OTULINL: variants seen among roughly 807,000 people sequenced by gnomAD.
The protein encoded by OTULINL is inactive ubiquitin thioesterase OTULINL.
A neutral mutation model predicts 43.9 loss-of-function variants in OTULINL; 42 were observed. That is an observed-to-expected ratio of 0.96 (90% CI 0.75 to 1.24). The LOEUF (loss-of-function observed/expected upper bound fraction) is 1.24, where lower values mean the gene tolerates loss of function less well. Among genes scored for constraint, OTULINL ranks in the 50% most tolerant of loss-of-function variants. The pLI, the probability that OTULINL is intolerant of heterozygous loss-of-function variation, is 0.00. For missense variants in OTULINL, 411 were observed against 426.4 expected (o/e 0.96, Z 0.32); for synonymous variants, 172 against 153.6 (o/e 1.12, Z -0.88).
intron 1 of OTULINL, among the ~76,000 whole-genome samples, chr5:14,583,665 T>G (rs1759056811): frequency 6.6e-6 from 1 of 152,234 alleles, no homozygotes; most frequent in African/African-American, 2.4e-5. Context: ...AGGAAGAATG[T>G]GATTCAAGGA....
chr5:14,607,819 C>T (rs1444637573), intron 6 of OTULINL, among the ~76,000 whole-genome samples: 2 of 152,196 alleles, frequency 1.3e-5, no homozygotes, highest in African/African-American at 4.8e-5. Context: ...GGTAATGGCA[C>T]AGATGTAATA....
chr5:14,596,711 G>A (rs1759294121), intron 1 of OTULINL, among the ~76,000 whole-genome samples: 1 of 152,186 alleles, frequency 6.6e-6, no homozygotes, highest in African/African-American at 2.4e-5. Flanking sequence ...GAATACCACA[G>A]ACTGGGTGAT....
Position 14,595,685 on chromosome 5 carries a change from A to G in OTULINL, c.65-5280A>G, listed in dbSNP as rs1368569785. ...TTTTTTTTGTGTAGTTCTGACCAACAGTCTCATCTGCCATATATCGTTTGA... is the reference window on the plus strand; with the variant it reads ...TTTTTTTTGTGTAGTTCTGACCAACGGTCTCATCTGCCATATATCGTTTGA... On this transcript the variant is annotated intron_variant, in intron 1 of 7. Transcript: ENST00000274217. Among the ~76,000 whole-genome samples, 3 of 111,120 alleles carry G rather than the reference A, an allele frequency of 2.7e-5. No individual in the cohort carries two copies. In the Admixed American group the frequency reaches 3.8e-4, roughly 14 times the overall value. The allele number at this position is 111,120 out of a possible 152,430, so 72.9% of individuals were successfully genotyped here.
At position 14,614,873 on chromosome 5, in the gene OTULINL, A is replaced by C. The variant is rs766542536; in HGVS notation, c.*4559A>C. 5.0e-6 allele frequency: 2 copies of C among 397,484 alleles called. No homozygotes were observed. Among genetic ancestry groups the C allele is most frequent in the Admixed American group, 4.4e-5 (1 of 22,718 alleles). The allele number at this position is 397,484 out of a possible 1,614,324, so 24.6% of individuals were successfully genotyped here. On this transcript the variant is annotated 3_prime_UTR_variant, in exon 8 of 8. Coordinates refer to ENST00000274217, the MANE Select transcript of OTULINL (RefSeq NM_019018.3). ...AATTGACGTATTGGTCCTTATAGTC[A>C]GTACCATCAGGTCTTAGATTGTTAA...
At position 14,602,243 on chromosome 5, in the gene OTULINL, A is replaced by G; in HGVS notation, c.409A>G (p.Asn137Asp). The G allele has an allele frequency of 6.2e-7, 1 of 1,613,532 alleles. No individual in the cohort carries two copies. Among genetic ancestry groups the G allele is most frequent in the East Asian group, 2.2e-5 (1 of 44,872 alleles). Reference sequence around the variant, plus strand: ...ATGTGTTCGACAAGTAAGGAGAGATAACTATGATGCTCTCAGATCAGTGTT... The same window carrying G: ...ATGTGTTCGACAAGTAAGGAGAGATGACTATGATGCTCTCAGATCAGTGTT... ...IKCVRQVRRD[N>D]YDALRSVLFQ... is the part of the protein sequence containing the mutation. Residue 137 changes from asparagine (N) to aspartate (D), a missense_variant, in exon 5 of 8, where the codon AAC becomes GAC. Transcript: ENST00000274217.
At chr5:14,582,389 A>G (rs1400941603) in intron 1 of OTULINL, among the ~76,000 whole-genome samples, 4 of 151,358 alleles carry the variant, frequency 2.6e-5, no homozygotes, top group Non-Finnish European at 4.4e-5. Flanking sequence ...GGGGAGCTCG[A>G]CTCGCTGACG....
Position 14,608,466 on chromosome 5 carries a change from A to G in OTULINL, c.628-282A>G, listed in dbSNP as rs924139377. 3.9e-5 allele frequency among the ~76,000 whole-genome samples: 6 copies of G among 152,150 alleles called. 1 individual carries two copies. The highest frequency in any genetic ancestry group is 1.3e-4 in the Admixed American group (2 of 15,276). ...TAGCAGGTCCATTCATGAGGGCTCC[A>G]CCGTCAGGACCTAATCACGTCCCAA... On this transcript the variant is annotated intron_variant, in intron 6 of 7. Coordinates refer to ENST00000274217, the MANE Select transcript of OTULINL (RefSeq NM_019018.3).
chr5:14,601,385 C>G lies in OTULINL; in HGVS notation c.291C>G (p.Leu97=), dbSNP rs765175782. Residue 97 remains leucine, a synonymous_variant, in exon 4 of 8, where the codon CTC becomes CTG. Transcript: ENST00000274217. ...NLSVEAEVDL[L]SYCAREWKGE... is the part of the protein sequence containing the mutation. ...GTGTGGAGGCAGAGGTTGATTTACT[C>G]AGTTATTGTGCAAGAGAATGGAAAG... The G allele has an allele frequency of 1.4e-5, 22 of 1,613,968 alleles. No homozygotes were observed. Among genetic ancestry groups the G allele is most frequent in the Non-Finnish European group, 1.7e-5 (20 of 1,180,008 alleles).
At chr5:14,599,562 A>G (rs532807078) in intron 1 of OTULINL, among the ~76,000 whole-genome samples, 1 of 152,168 alleles carries the variant, frequency 6.6e-6, no homozygotes. Context: ...TGTAAATATC[A>G]CATCAAATAT....
At chr5:14,588,677 C>T (rs184305835) in intron 1 of OTULINL, among the ~76,000 whole-genome samples, 5 of 152,270 alleles carry the variant, frequency 3.3e-5, no homozygotes, top group Admixed American at 3.3e-4. Context: ...GTGTCAGGGC[C>T]CCAGGCTCCT....
chr5:14,614,916 A>G lies in OTULINL; in HGVS notation c.*4602A>G. ...ATTGTTAAGTCATTTTGCTGCCACC[A>G]GACCAGTGAGAGTCACTCACTTATT... On this transcript the variant is annotated 3_prime_UTR_variant, in exon 8 of 8. Coordinates refer to ENST00000274217, the MANE Select transcript of OTULINL (RefSeq NM_019018.3). 1 of 396,846 alleles carries G rather than the reference A, an allele frequency of 2.5e-6. No homozygotes were observed. Among genetic ancestry groups the G allele is most frequent in the East Asian group, 3.6e-5 (1 of 28,028 alleles). The allele number at this position is 396,846 out of a possible 1,614,324, so 24.6% of individuals were successfully genotyped here.
At chr5:14,608,167 T>G (rs1759513430) in intron 6 of OTULINL, among the ~76,000 whole-genome samples, 2 of 152,212 alleles carry the variant, frequency 1.3e-5, no homozygotes, top group Admixed American at 6.5e-5. Context: ...AGGTGATACT[T>G]TTTGAAAAAA....
intron 1 of OTULINL, among the ~76,000 whole-genome samples, chr5:14,599,469 A>G (rs555800979): frequency 1.3e-5 from 2 of 152,136 alleles, no homozygotes; most frequent in South Asian, 2.1e-4. Flanking sequence ...ATCCTGGGCA[A>G]CAAGAACGAG....
chr5:14,587,329 C>A (rs1435911786), intron 1 of OTULINL, among the ~76,000 whole-genome samples: 1 of 152,162 alleles, frequency 6.6e-6, no homozygotes, highest in African/African-American at 2.4e-5. Context: ...GCGGAGCAAG[C>A]AGAATGGCTG....
In OTULINL at chr5:14,613,557, C is replaced by T. The variant is rs6868408; in HGVS notation, c.*3243C>T. 0.012 allele frequency among the ~76,000 whole-genome samples: 1,778 copies of T among 152,204 alleles called. 35 individuals are homozygous for T. The highest frequency in any genetic ancestry group is 0.04 in the African/African-American group (1,661 of 41,538). On this transcript the variant is annotated 3_prime_UTR_variant, in exon 8 of 8. Transcript: ENST00000274217. ...AGGGAGTTAAATGGATCAGGAAAAT[C>T]GTGTTTTATCTCCAAAGTAAAATGA...
chr5:14,596,903 G>T (rs771968513), intron 1 of OTULINL, among the ~76,000 whole-genome samples: 3 of 151,986 alleles, frequency 2.0e-5, no homozygotes, highest in Non-Finnish European at 4.4e-5. Context: ...CCATGCTGAT[G>T]GCCTTATCTA....
rs879609666 is a variant in OTULINL at position 14,593,242 on chromosome 5, G to A, written c.65-7723G>A. On this transcript the variant is annotated intron_variant, in intron 1 of 7. Transcript: ENST00000274217. ...AGGAAATGGACTCCCACAGGATGGA[G>A]CGAGTTGCCAGCCGAGAGGTATGTA... is the stretch of plus-strand genomic sequence containing the variant. 3.9e-4 allele frequency among the ~76,000 whole-genome samples: 59 copies of A among 152,338 alleles called. 2 individuals are homozygous for A. The highest frequency in any genetic ancestry group is 3.4e-3 in the Middle Eastern group (1 of 294).
intron 1 of OTULINL, among the ~76,000 whole-genome samples, chr5:14,593,924 C>T (rs1759245721): frequency 1.3e-5 from 2 of 152,188 alleles, no homozygotes; most frequent in South Asian, 4.1e-4. Flanking sequence ...TCTTAGTGGT[C>T]ATGACTTTCA....
chr5:14,593,138 G>A (rs1014686489), intron 1 of OTULINL, among the ~76,000 whole-genome samples: 5 of 152,126 alleles, frequency 3.3e-5, no homozygotes, highest in African/African-American at 9.7e-5. Context: ...CCTGGCCTGC[G>A]GGAGGAGCTT....
Sources: gnomAD v4.1 joint callset for allele counts (sites outside exome capture counted in the v4.1 genomes callset) on GRCh38, gnomAD v4.1.1 for gene constraint, MANE v1.5 for transcripts, NCBI Gene and HGNC (gene_info 2026-07-23, HGNC 2026-07-21) for gene names.